The following PDZRN4 variants were observed in gnomAD, a reference collection of about 807,000 sequenced individuals.
PDZRN4 encodes the protein PDZ domain-containing RING finger protein 4.
A neutral mutation model predicts 99.0 loss-of-function variants in PDZRN4; 70 were observed. That is an observed-to-expected ratio of 0.71 (90% CI 0.58 to 0.86). PDZRN4 has a LOEUF of 0.86. Among genes scored for constraint, PDZRN4 ranks in the 40% least tolerant of loss-of-function variants. The pLI, the probability that PDZRN4 is intolerant of heterozygous loss-of-function variation, is 0.00. For synonymous variants in PDZRN4, 551 were observed against 501.6 expected, an observed-to-expected ratio of 1.10 and a Z score of -1.32; for missense variants, 1,474 against 1,331.2, an observed-to-expected ratio of 1.11 and a Z score of -1.67.
chr12:41,474,682 A>T (rs181254560), intron 3 of PDZRN4, among the ~76,000 whole-genome samples: 20 of 152,294 alleles, frequency 1.3e-4, no homozygotes, highest in Non-Finnish European at 2.5e-4. Context: ...AAATACTTCA[A>T]TGGGAAGTCG....
intron 9 of PDZRN4, among the ~76,000 whole-genome samples, chr12:41,572,133 G>A (rs1247350420): frequency 2.0e-5 from 3 of 152,072 alleles, no homozygotes; most frequent in African/African-American, 7.2e-5. Flanking sequence ...TTATATCCAT[G>A]TGAATATCAT....
intron 3 of PDZRN4, among the ~76,000 whole-genome samples, chr12:41,405,091 CA>C (rs151027529): frequency 6.6e-6 from 1 of 151,292 alleles, no homozygotes; most frequent in Middle Eastern, 3.4e-3. Flanking sequence ...AAAGCAATTG[CA>C]AAAAAAATAA....
intron 8 of PDZRN4, among the ~76,000 whole-genome samples, chr12:41,566,334 C>G (rs971514697): frequency 2.0e-5 from 3 of 152,122 alleles, no homozygotes; most frequent in Non-Finnish European, 4.4e-5. Context: ...GAATAGTAAG[C>G]ACTCCCCATT....
At chr12:41,534,084 C>T (rs578093262) in intron 5 of PDZRN4, among the ~76,000 whole-genome samples, 5 of 152,160 alleles carry the variant, frequency 3.3e-5, no homozygotes, top group Admixed American at 6.5e-5. Context: ...AAATTGTATC[C>T]ACTCTCTGGC....
At chr12:41,545,101 T>G (rs1257066357) in intron 5 of PDZRN4, among the ~76,000 whole-genome samples, 1 of 152,264 alleles carries the variant, frequency 6.6e-6, no homozygotes, top group East Asian at 1.9e-4. Context: ...AAGTCATCTT[T>G]CTAAACTACA....
chr12:41,386,323 G>A (rs573440034), intron 3 of PDZRN4, among the ~76,000 whole-genome samples: 1 of 152,244 alleles, frequency 6.6e-6, no homozygotes, highest in East Asian at 1.9e-4. Context: ...GGGCAATCAG[G>A]CAAGAGAAAG....
chr12:41,250,339 G>C (rs1354604215), intron 3 of PDZRN4, among the ~76,000 whole-genome samples: 1 of 152,158 alleles, frequency 6.6e-6, no homozygotes, highest in Non-Finnish European at 1.5e-5. Flanking sequence ...AAAGGTAAGA[G>C]TACTAACAAG....
At chr12:41,306,335 G>C (rs1464795970) in intron 3 of PDZRN4, among the ~76,000 whole-genome samples, 1 of 152,192 alleles carries the variant, frequency 6.6e-6, no homozygotes, top group Non-Finnish European at 1.5e-5. Flanking sequence ...TGAGGTAGTG[G>C]CCCTGATGAT....
chr12:41,234,230 T>G (rs1003620988), intron 3 of PDZRN4, among the ~76,000 whole-genome samples: 1 of 152,108 alleles, frequency 6.6e-6, no homozygotes, highest in Non-Finnish European at 1.5e-5. Flanking sequence ...ACCTGTAATT[T>G]TCTTTACCTT....
In PDZRN4 at chr12:41,572,359, C is replaced by G. The variant is rs1939496415; in HGVS notation, c.1585-5C>G. On this transcript the variant is annotated splice_polypyrimidine_tract_variant and splice_region_variant and intron_variant, in intron 9 of 9. Transcript: ENST00000402685. ...TTCTTTGTTCTTTCAACATCATTTT[C>G]TTAGCCAAAAAAGCAAGAAGAAGAA... The G allele has an allele frequency of 1.9e-6, 3 of 1,588,266 alleles. No homozygotes were observed. Among genetic ancestry groups the G allele is most frequent in the African/African-American group, 1.4e-5 (1 of 73,802 alleles).
chr12:41,311,301 T>C (rs1951605273), intron 3 of PDZRN4, among the ~76,000 whole-genome samples: 1 of 152,050 alleles, frequency 6.6e-6, no homozygotes, highest in Non-Finnish European at 1.5e-5. Context: ...AAAATCCCCG[T>C]TAAAGTCTTA....
At chr12:41,332,147 C>G (rs763559558) in intron 3 of PDZRN4, among the ~76,000 whole-genome samples, 34 of 152,052 alleles carry the variant, frequency 2.2e-4, no homozygotes, top group Non-Finnish European at 4.0e-4. Flanking sequence ...CCAGGTTGTA[C>G]AATTTTCTCC....
At chr12:41,299,718 TG>T (rs869052848) in intron 3 of PDZRN4, among the ~76,000 whole-genome samples, 1 of 105,044 alleles carries the variant, frequency 9.5e-6, no homozygotes, top group South Asian at 3.9e-4. Context: ...TTTATAAAAT[TG>T]AGTTAGTTTT....
chr12:41,401,173 C>G (rs1341920364), intron 3 of PDZRN4, among the ~76,000 whole-genome samples: 1 of 152,030 alleles, frequency 6.6e-6, no homozygotes, highest in African/African-American at 2.4e-5. Context: ...AATCTGCTTG[C>G]TAAGTAAGTT....
chr12:41,271,603 T>A (rs2120860906), intron 3 of PDZRN4, among the ~76,000 whole-genome samples: 1 of 152,232 alleles, frequency 6.6e-6, no homozygotes, highest in South Asian at 2.1e-4. Context: ...TCTTCCACAT[T>A]CTTGTATAGT....
At chr12:41,520,565 G>A (rs1330334113) in intron 5 of PDZRN4, among the ~76,000 whole-genome samples, 1 of 150,882 alleles carries the variant, frequency 6.6e-6, no homozygotes, top group Admixed American at 6.6e-5. Flanking sequence ...TCATATTTTT[G>A]TAGTTTAAAT....
chr12:41,208,349 A>G (rs1031495865), intron 3 of PDZRN4, among the ~76,000 whole-genome samples: 2 of 151,968 alleles, frequency 1.3e-5, no homozygotes, highest in African/African-American at 2.4e-5. Context: ...TTAATATTTC[A>G]GGTGGTTTTC....
At chr12:41,358,249 C>G (rs1951940733) in intron 3 of PDZRN4, among the ~76,000 whole-genome samples, 1 of 151,774 alleles carries the variant, frequency 6.6e-6, no homozygotes, top group South Asian at 2.1e-4. Context: ...AGCAGCCACC[C>G]CAACTAGTTA....
intron 3 of PDZRN4, among the ~76,000 whole-genome samples, chr12:41,215,163 T>G (rs545664309): frequency 3.3e-5 from 5 of 152,212 alleles, no homozygotes; most frequent in African/African-American, 1.2e-4. Context: ...GGCTTGAATT[T>G]CCACCATTAG....
Sources: allele counts gnomAD v4.1 joint callset (sites outside exome capture counted in the v4.1 genomes callset), GRCh38; gene constraint gnomAD v4.1.1; transcripts MANE v1.5; gene names NCBI Gene and HGNC (gene_info 2026-07-23, HGNC 2026-07-21).